The following SND1 variants were observed in gnomAD, a reference collection of about 807,000 sequenced individuals.
The protein encoded by SND1 is staphylococcal nuclease domain-containing protein 1.
SND1 carries 38 observed loss-of-function variants against 121.7 expected under a neutral mutation model. The observed-to-expected ratio is 0.31, with a 90% CI of 0.24 to 0.41. The LOEUF (loss-of-function observed/expected upper bound fraction) is 0.41. Ranked by LOEUF, SND1 falls within the 10% of genes least tolerant of loss-of-function variation. The pLI is 1.00. For synonymous variants in SND1, 401 were observed against 447.4 expected, an observed-to-expected ratio of 0.90 and a Z score of 1.31; for missense variants, 868 against 1,184.6, an observed-to-expected ratio of 0.73 and a Z score of 3.92.
At chr7:128,073,682 G>C (rs921831322) in intron 16 of SND1, among the ~76,000 whole-genome samples, 6 of 152,234 alleles carry the variant, frequency 3.9e-5, no homozygotes, top group African/African-American at 1.4e-4. Context: ...CTTTAGCAGG[G>C]AAAGAAAGAG....
At chr7:128,088,769 A>G (rs928773079) in intron 21 of SND1, among the ~76,000 whole-genome samples, 2 of 141,270 alleles carry the variant, frequency 1.4e-5, no homozygotes, top group African/African-American at 5.1e-5. Context: ...CTGTCTCTTT[A>G]AAAAAAAAAA....
rs919975158 is a variant in SND1 at position 128,052,751 on chromosome 7, T to A, written c.1780-21751T>A. ...ATGGGCTGTGTCTGGAATGCCAGTC[T>A]TGTGTCCCACCCTACTTTTGTGCCC... On this transcript the variant is annotated intron_variant, in intron 16 of 23. Transcript: ENST00000354725. This position sits in a 1 kb window ranked among gnomAD's most constrained non-coding sequence, Gnocchi z 4.6. Among the ~76,000 whole-genome samples, 6 of 152,248 alleles carry A rather than the reference T, an allele frequency of 3.9e-5. No homozygotes were observed. The highest frequency in any genetic ancestry group is 3.3e-4 in the Admixed American group (5 of 15,292).
At chr7:127,825,223 G>A (rs1235162535) in intron 11 of SND1, among the ~76,000 whole-genome samples, 2 of 152,116 alleles carry the variant, frequency 1.3e-5, no homozygotes, top group African/African-American at 4.8e-5. Context: ...TGATTCTCCT[G>A]CCTTAGTCTC....
At position 128,074,625 on chromosome 7, in the gene SND1, G is replaced by A. The variant is rs1158705051; in HGVS notation, c.1903G>A (p.Glu635Lys). 1.2e-6 allele frequency: 2 copies of A among 1,613,896 alleles called. No individual in the cohort carries two copies. Among genetic ancestry groups the A allele is most frequent in the Non-Finnish European group, 1.7e-6 (2 of 1,179,978 alleles). The stretch of plus-strand genomic sequence containing the variant: ...GCTCTCCAAGGTCCACTTCACCGCC[G>A]AACGCAGCTCCTACTACAAGTCCCT... ...HALSKVHFTA[E>K]RSSYYKSLLS... is the part of the protein sequence containing the mutation. Residue 635 changes from glutamate to lysine, a missense_variant, in exon 17 of 24, where the codon GAA becomes AAA. Glu to Lys is a moderately conservative substitution (Grantham distance 56). This residue lies in a region of SND1 where 743 missense variants were observed against 1,071.3 expected (regional missense o/e 0.69). Coordinates refer to ENST00000354725, the MANE Select transcript of SND1 (RefSeq NM_014390.4).
intron 14 of SND1, among the ~76,000 whole-genome samples, chr7:127,908,360 G>GCA (rs1491537455): frequency 2.8e-5 from 4 of 142,082 alleles, no homozygotes; most frequent in South Asian, 2.3e-4. Context: ...GTGTGTGTGT[G>GCA]CGTGCGTGTT....
chr7:127,746,269 G>T (rs115537130), intron 10 of SND1, among the ~76,000 whole-genome samples: 9 of 152,192 alleles, frequency 5.9e-5, no homozygotes, highest in Non-Finnish European at 7.4e-5. Flanking sequence ...TTAAAAAATA[G>T]ATAGCTTTGA....
At position 127,904,789 on chromosome 7, in the gene SND1, G is replaced by T. The variant is rs149773645; in HGVS notation, c.1497G>T (p.Val499=). The change falls in exon 14 of 24, where the codon GTG becomes GTT. Residue 499 remains valine (V), a synonymous_variant. Coordinates refer to ENST00000354725, the MANE Select transcript of SND1 (RefSeq NM_014390.4). ...NGKGLHSKKE[V]PIHRVADISG... is the part of the protein sequence containing the mutation. ...AAGGATTGCATAGCAAGAAGGAAGT[G>T]CCTATCCACCGTGTTGCAGATATAT... 15 of 1,611,962 alleles carry T rather than the reference G, an allele frequency of 9.3e-6. No individual in the cohort carries two copies. In the African/African-American group the frequency reaches 1.9e-4, roughly 20 times the overall value.
intron 14 of SND1, among the ~76,000 whole-genome samples, chr7:127,910,219 C>G (rs34428762): frequency 0.032 from 4,901 of 152,206 alleles, 149 homozygotes; most frequent in Middle Eastern, 0.11. Context: ...GTGGGCGGAT[C>G]TCCTGAGGTC....
intron 10 of SND1, among the ~76,000 whole-genome samples, chr7:127,792,463 A>G (rs1797927955): frequency 6.6e-6 from 1 of 152,244 alleles, no homozygotes; most frequent in African/African-American, 2.4e-5. Flanking sequence ...AACAGAGAAC[A>G]TAATTTAAGA....
intron 12 of SND1, among the ~76,000 whole-genome samples, chr7:127,865,147 A>G (rs1799445563): frequency 6.6e-6 from 1 of 152,234 alleles, no homozygotes; most frequent in Admixed American, 6.5e-5. Flanking sequence ...CCATTGAGAG[A>G]GAAACACTAT....
intron 13 of SND1, among the ~76,000 whole-genome samples, chr7:127,894,822 T>C (rs1191982892): frequency 1.3e-5 from 2 of 151,968 alleles, no homozygotes; most frequent in Admixed American, 6.6e-5. Context: ...TTTTTTTTTT[T>C]TTCTTTTAAG....
intron 16 of SND1, among the ~76,000 whole-genome samples, chr7:128,002,955 G>C (rs1016856976): frequency 1.3e-5 from 2 of 152,218 alleles, no homozygotes; most frequent in Non-Finnish European, 2.9e-5. Context: ...GGGCACAGTG[G>C]CTCACACCTG....
At chr7:127,760,022 C>T (rs924678584) in intron 10 of SND1, among the ~76,000 whole-genome samples, 1 of 152,194 alleles carries the variant, frequency 6.6e-6, no homozygotes, top group Non-Finnish European at 1.5e-5. Context: ...GCTCTTGTCT[C>T]TCCCACGTGT....
intron 11 of SND1, among the ~76,000 whole-genome samples, chr7:127,841,779 C>T (rs1300068524): frequency 2.6e-5 from 4 of 152,308 alleles, no homozygotes; most frequent in African/African-American, 7.2e-5. Context: ...TTCAATCCCC[C>T]TGTCTGAACA....
intron 15 of SND1, among the ~76,000 whole-genome samples, chr7:127,962,102 A>G (rs1801745685): frequency 6.6e-6 from 1 of 152,238 alleles, no homozygotes; most frequent in Admixed American, 6.5e-5. Context: ...ACTAAAAAGA[A>G]AAAGTATTCC....
chr7:127,662,182 TC>T, intron 1 of SND1, among the ~76,000 whole-genome samples: 1 of 152,260 alleles, frequency 6.6e-6, no homozygotes, highest in East Asian at 1.9e-4. Flanking sequence ...ATTCTCATCC[TC>T]CCAGCAAACG....
chr7:127,771,547 T>A (rs1330450162), intron 10 of SND1, among the ~76,000 whole-genome samples: 1 of 152,196 alleles, frequency 6.6e-6, no homozygotes, highest in East Asian at 1.9e-4. Flanking sequence ...CTGTGGTAGA[T>A]TTGTAGTGTA....
chr7:128,064,809 T>C (rs1233236455), intron 16 of SND1, among the ~76,000 whole-genome samples: 3 of 152,044 alleles, frequency 2.0e-5, no homozygotes, highest in Admixed American at 2.0e-4. Context: ...AAAGCCAAGA[T>C]TGGGAAACAC....
intron 11 of SND1, among the ~76,000 whole-genome samples, chr7:127,837,328 A>G (rs934434371): frequency 2.6e-5 from 4 of 152,258 alleles, no homozygotes; most frequent in African/African-American, 7.2e-5. Flanking sequence ...ATACAAAAAA[A>G]GATCTCAACA....
Sources: gnomAD v4.1 joint callset for allele counts (sites outside exome capture counted in the v4.1 genomes callset) on GRCh38, gnomAD v4.1.1 for gene constraint, gnomAD v4.1.1 regional missense constraint, Gnocchi (gnomAD v3.1) non-coding constraint, MANE v1.5 for transcripts, NCBI Gene and HGNC (gene_info 2026-07-23, HGNC 2026-07-21) for gene names.